Variants in WASL observed in about 807,000 individuals in gnomAD.
The protein encoded by WASL is WASP like actin nucleation promoting factor.
In WASL, 20 loss-of-function variants were observed where a neutral mutation model predicts 55.5. The ratio of observed to expected loss-of-function variants is 0.36; its 90% CI spans 0.25 to 0.52. The LOEUF is 0.52. WASL is among the 20% of genes least tolerant of loss of function. The pLI, the probability that WASL is intolerant of heterozygous loss-of-function variation, is 0.92. For missense variants in WASL, 504 were observed against 622.5 expected (o/e 0.81, Z 2.03); for synonymous variants, 249 against 217.6 (o/e 1.14, Z -1.27).
intron 7 of WASL, 80 bp from the exon 8 acceptor site, chr7:123,694,948 C>A: frequency 1.4e-6 from 2 of 1,451,606 alleles, no homozygotes; most frequent in Non-Finnish European, 1.9e-6. Flanking sequence ...CTGTGTCCTT[C>A]TGAAATTATT....
At chr7:123,742,254 T>C (rs1804355783) in intron 1 of WASL, among the ~76,000 whole-genome samples, 1 of 152,240 alleles carries the variant, frequency 6.6e-6, no homozygotes, top group African/African-American at 2.4e-5. Flanking sequence ...GGCATTCATT[T>C]GGGTTTCAGA....
intron 1 of WASL, among the ~76,000 whole-genome samples, chr7:123,736,590 T>C (rs1350959912): frequency 2.0e-5 from 3 of 152,198 alleles, no homozygotes; most frequent in Non-Finnish European, 4.4e-5. Context: ...TATGGGGCCT[T>C]ATCACATATG....
At chr7:123,741,018 C>T (rs1373023019) in intron 1 of WASL, among the ~76,000 whole-genome samples, 1 of 152,074 alleles carries the variant, frequency 6.6e-6, no homozygotes, top group Non-Finnish European at 1.5e-5. Context: ...CAAAAATGTG[C>T]ATGTTAGGTT....
chr7:123,728,874 A>C (rs1439160029), intron 1 of WASL, among the ~76,000 whole-genome samples: 1 of 152,158 alleles, frequency 6.6e-6, no homozygotes, highest in Non-Finnish European at 1.5e-5. Flanking sequence ...AAAACAAAAC[A>C]AAACAAACGA....
chr7:123,724,953 CA>C (rs1804016959), intron 1 of WASL, among the ~76,000 whole-genome samples: 1 of 151,798 alleles, frequency 6.6e-6, no homozygotes. Flanking sequence ...AAAAGCATAC[CA>C]AAGTCAACAT....
At chr7:123,716,695 G>A (rs924937007) in intron 1 of WASL, among the ~76,000 whole-genome samples, 1 of 152,014 alleles carries the variant, frequency 6.6e-6, no homozygotes, top group Non-Finnish European at 1.5e-5. Flanking sequence ...AAGGGGGAGA[G>A]AAAGAGAGAT....
At chr7:123,717,180 C>T (rs1803859783) in intron 1 of WASL, among the ~76,000 whole-genome samples, 1 of 151,798 alleles carries the variant, frequency 6.6e-6, no homozygotes, top group Non-Finnish European at 1.5e-5. Flanking sequence ...TAAAGGATTG[C>T]TGGTGCATGA....
At chr7:123,745,197 T>A (rs1025402030) in intron 1 of WASL, among the ~76,000 whole-genome samples, 5 of 152,186 alleles carry the variant, frequency 3.3e-5, no homozygotes, top group African/African-American at 1.2e-4. Context: ...AGACTTTAAT[T>A]GTTCTTGAAT....
intron 1 of WASL, among the ~76,000 whole-genome samples, chr7:123,715,475 C>A (rs139603159): frequency 1.1e-3 from 165 of 152,244 alleles, no homozygotes; most frequent in African/African-American, 3.8e-3. Flanking sequence ...GGTTTGTTTG[C>A]AACAACAGAT....
At chr7:123,701,321 GTTCTTGTGAA>G (rs1279419334) in intron 5 of WASL, among the ~76,000 whole-genome samples, 1 of 152,142 alleles carries the variant, frequency 6.6e-6, no homozygotes, top group Admixed American at 6.5e-5. Flanking sequence ...GTTTTTAAAT[GTTCTTGTGAA>G]CAGACATGTC....
chr7:123,693,725 G>A (rs1803449755), intron 8 of WASL, among the ~76,000 whole-genome samples: 1 of 152,188 alleles, frequency 6.6e-6, no homozygotes, highest in South Asian at 2.1e-4. Context: ...CAGCACTTTG[G>A]GAGGCCAAAG....
chr7:123,703,174 CCT>C lies in WASL; in HGVS notation c.460+1458_460+1459del, dbSNP rs1422865758. ...ATATATCCTGAGACATGATATTTACCCTGTGTCTCAGTTTTGCCTTCAAAATC... is the reference window on the plus strand; with the variant it reads ...ATATATCCTGAGACATGATATTTACCGTGTCTCAGTTTTGCCTTCAAAATC... On this transcript the variant is annotated intron_variant, in intron 5 of 10. Transcript: ENST00000223023. 1.4e-4 allele frequency among the ~76,000 whole-genome samples: 22 copies of C among 152,134 alleles called. No individual in the cohort carries two copies. The East Asian group carries it at 3.5e-3, about 24-fold the overall frequency.
At chr7:123,688,371 T>A (rs73224177) in intron 10 of WASL, among the ~76,000 whole-genome samples, 3,293 of 152,278 alleles carry the variant, frequency 0.022, 38 homozygotes, top group Non-Finnish European at 0.032. Context: ...TTATTCATTT[T>A]ATTTTTGAGA....
intron 1 of WASL, among the ~76,000 whole-genome samples, chr7:123,736,611 C>A (rs1218083089): frequency 6.6e-6 from 1 of 152,100 alleles, no homozygotes; most frequent in East Asian, 1.9e-4. Context: ...TGGTCCATCA[C>A]TGACTGAAAC....
chr7:123,725,737 AAAG>A (rs1165787453), intron 1 of WASL, among the ~76,000 whole-genome samples: 2 of 152,192 alleles, frequency 1.3e-5, no homozygotes, highest in Non-Finnish European at 2.9e-5. Context: ...GTAGAAACTC[AAAG>A]AACAGGGTTA....
chr7:123,688,943 A>C, intron 10 of WASL, 99 bp downstream of exon 10: 2 of 1,026,678 alleles, frequency 1.9e-6, no homozygotes, highest in East Asian at 4.8e-5. Flanking sequence ...TAGCAAAGAC[A>C]GTCATAAAAA....
chr7:123,692,544 C>CAGGAGG lies in WASL; in HGVS notation c.1144_1149dup (p.Pro382_Pro383dup), dbSNP rs747773066. ...GGCAGGCCAGGCGGGGGCGGTGGCC[C>CAGGAGG]AGGAGGAGGTGGAGGTGGAGGCGGT... On this transcript the variant is annotated inframe_insertion, in exon 9 of 11. Coordinates refer to ENST00000223023, the MANE Select transcript of WASL (RefSeq NM_003941.4). The CAGGAGG allele has an allele frequency of 1.2e-4, 193 of 1,613,798 alleles. 1 individual carries two copies. The highest frequency in any genetic ancestry group is 2.0e-4 in the Admixed American group (12 of 59,974).
At chr7:123,737,380 G>A (rs189473604) in intron 1 of WASL, among the ~76,000 whole-genome samples, 5 of 152,110 alleles carry the variant, frequency 3.3e-5, no homozygotes, top group Admixed American at 2.6e-4. Context: ...GGCAGATAAC[G>A]AGGTCAAGAG....
chr7:123,719,421 C>G (rs951816668), intron 1 of WASL, among the ~76,000 whole-genome samples: 1 of 152,128 alleles, frequency 6.6e-6, no homozygotes, highest in African/African-American at 2.4e-5. Flanking sequence ...ATGATGTTGC[C>G]TATGGGAACT....
Sources: allele counts gnomAD v4.1 joint callset (sites outside exome capture counted in the v4.1 genomes callset), GRCh38; gene constraint gnomAD v4.1.1; transcripts MANE v1.5; gene names NCBI Gene and HGNC (gene_info 2026-07-23, HGNC 2026-07-21).